MACROD2: variants seen among roughly 807,000 people sequenced by gnomAD.
MACROD2 encodes mono-ADP ribosylhydrolase 2, also known as ADP-ribose glycohydrolase MACROD2.
A neutral mutation model predicts 70.4 loss-of-function variants in MACROD2; 36 were observed. The ratio of observed to expected loss-of-function variants is 0.51; its 90% CI spans 0.39 to 0.68. The LOEUF is 0.68. MACROD2 is among the 30% of genes least tolerant of loss of function. The pLI is 0.00. For missense variants in MACROD2, 496 were observed against 538.4 expected (o/e 0.92, Z 0.78); for synonymous variants, 172 against 178.8 (o/e 0.96, Z 0.30).
chr20:14,472,609 A>G (rs1568628573), intron 3 of MACROD2, among the ~76,000 whole-genome samples: 1 of 152,176 alleles, frequency 6.6e-6, no homozygotes, highest in Non-Finnish European at 1.5e-5. Context: ...TTAAAATTTT[A>G]TGGGATAAGT....
At chr20:14,578,050 A>G (rs1980730650) in intron 4 of MACROD2, among the ~76,000 whole-genome samples, 1 of 152,002 alleles carries the variant, frequency 6.6e-6, no homozygotes, top group Non-Finnish European at 1.5e-5. Context: ...TTTCTAGTCT[A>G]TGACTTGCCA....
chr20:14,501,330 A>G (rs2084912480), intron 4 of MACROD2, among the ~76,000 whole-genome samples: 1 of 152,134 alleles, frequency 6.6e-6, no homozygotes, highest in Non-Finnish European at 1.5e-5. Flanking sequence ...TATTGAGGGT[A>G]TTTAACCAGT....
intron 5 of MACROD2, among the ~76,000 whole-genome samples, chr20:14,748,910 A>C (rs1217566847): frequency 6.6e-6 from 1 of 152,068 alleles, no homozygotes; most frequent in African/African-American, 2.4e-5. Flanking sequence ...CATAGAACCC[A>C]CAGGTGTAGA....
intron 8 of MACROD2, among the ~76,000 whole-genome samples, chr20:15,614,133 A>C (rs952486989): frequency 1.3e-5 from 2 of 152,194 alleles, no homozygotes; most frequent in African/African-American, 4.8e-5. Context: ...AAGTCACCTT[A>C]ATTACCTTAA....
intron 6 of MACROD2, among the ~76,000 whole-genome samples, chr20:15,399,621 C>G (rs2045903423): frequency 6.6e-6 from 1 of 152,184 alleles, no homozygotes; most frequent in Non-Finnish European, 1.5e-5. Flanking sequence ...TTGAGCCACC[C>G]AAATGATGGC....
intron 7 of MACROD2, among the ~76,000 whole-genome samples, chr20:15,475,949 A>G (rs1247674379): frequency 6.6e-6 from 1 of 152,210 alleles, no homozygotes; most frequent in African/African-American, 2.4e-5. Flanking sequence ...TGCGTTCTAT[A>G]AGGGAAATAT....
chr20:15,486,480 A>C (rs980696123), intron 7 of MACROD2, among the ~76,000 whole-genome samples: 1 of 152,202 alleles, frequency 6.6e-6, no homozygotes, highest in South Asian at 2.1e-4. Context: ...TCACAACAAG[A>C]GAGAGTAGAC....
intron 5 of MACROD2, chr20:14,888,060 A>C (rs2073703463): frequency 6.6e-6 from 1 of 152,008 alleles, no homozygotes; most frequent in Admixed American, 6.6e-5. Context: ...TCTCCACAGG[A>C]GTACTTTGGG....
At chr20:15,825,617 T>C (rs2063989526) in intron 8 of MACROD2, among the ~76,000 whole-genome samples, 1 of 152,086 alleles carries the variant, frequency 6.6e-6, no homozygotes, top group Non-Finnish European at 1.5e-5. Context: ...AAAATGGTTT[T>C]TTAAAGCCAC....
rs574751311 is a variant in MACROD2, at chr20:14,616,598, G to A, written c.302-68245G>A. On this transcript the variant is annotated intron_variant, in intron 4 of 17. Coordinates refer to ENST00000684519, the MANE Select transcript of MACROD2 (RefSeq NM_001351661.2). ...GGATTTGAACAAAGTGGAAAATTAA[G>A]TGATTTTTGCGGCTTCTTAACCTTG... is the stretch of plus-strand genomic sequence containing the variant. Among the ~76,000 whole-genome samples the A allele has an allele frequency of 1.7e-3, 255 of 152,260 alleles. 1 individual carries two copies. Among genetic ancestry groups the A allele is most frequent in the African/African-American group, 5.7e-3 (238 of 41,572 alleles).
intron 5 of MACROD2, among the ~76,000 whole-genome samples, chr20:14,790,209 A>C (rs991778737): frequency 2.6e-5 from 4 of 152,120 alleles, no homozygotes; most frequent in African/African-American, 9.7e-5. Flanking sequence ...TATAGACTGC[A>C]AATATGCCAT....
At chr20:14,602,437 T>C (rs1982559716) in intron 4 of MACROD2, among the ~76,000 whole-genome samples, 1 of 152,222 alleles carries the variant, frequency 6.6e-6, no homozygotes, top group Non-Finnish European at 1.5e-5. Context: ...CTCTGGGGAC[T>C]CTTCCCTATC....
At chr20:15,084,363 C>T (rs528601055) in intron 5 of MACROD2, among the ~76,000 whole-genome samples, 10 of 152,148 alleles carry the variant, frequency 6.6e-5, no homozygotes, top group East Asian at 5.8e-4. Flanking sequence ...CCACCACACC[C>T]GGCCAACTAG....
intron 5 of MACROD2, among the ~76,000 whole-genome samples, chr20:14,936,253 GAGA>G (rs879896143): frequency 1.3e-5 from 2 of 152,116 alleles, no homozygotes; most frequent in Non-Finnish European, 2.9e-5. Context: ...AGAGATCTGG[GAGA>G]AGAGCATTTG....
intron 5 of MACROD2, among the ~76,000 whole-genome samples, chr20:15,161,260 GT>G (rs2076346384): frequency 2.6e-5 from 4 of 151,636 alleles, no homozygotes; most frequent in Admixed American, 2.6e-4. Flanking sequence ...TCATTTGCAG[GT>G]CTTTTGGGAA....
At chr20:14,238,855 C>G (rs1257123523) in intron 3 of MACROD2, among the ~76,000 whole-genome samples, 1 of 151,848 alleles carries the variant, frequency 6.6e-6, no homozygotes, top group Non-Finnish European at 1.5e-5. Context: ...GGTAAAACCT[C>G]GTCTCTAATA....
intron 3 of MACROD2, among the ~76,000 whole-genome samples, chr20:14,436,433 C>T (rs1309463683): frequency 6.6e-6 from 1 of 152,162 alleles, no homozygotes; most frequent in East Asian, 1.9e-4. Context: ...CTTAATTATG[C>T]TGTTTTCTTT....
chr20:16,007,702 G>T (rs1393585950), intron 15 of MACROD2, among the ~76,000 whole-genome samples: 1 of 152,060 alleles, frequency 6.6e-6, no homozygotes, highest in East Asian at 1.9e-4. Flanking sequence ...TACCTGACCA[G>T]GGTCACACAT....
chr20:15,802,298 C>G (rs914848458), intron 8 of MACROD2, among the ~76,000 whole-genome samples: 3 of 152,134 alleles, frequency 2.0e-5, no homozygotes, highest in African/African-American at 7.2e-5. Flanking sequence ...TTCAGCTTTT[C>G]CCCCTTCAGT....
Sources: allele counts gnomAD v4.1 joint callset (sites outside exome capture counted in the v4.1 genomes callset), GRCh38; gene constraint gnomAD v4.1.1; transcripts MANE v1.5; gene names NCBI Gene and HGNC (gene_info 2026-07-23, HGNC 2026-07-21).